EIF4EBP2: variants seen among roughly 807,000 people sequenced by gnomAD.
EIF4EBP2 encodes the protein eukaryotic translation initiation factor 4E-binding protein 2.
Under a neutral mutation model 10.3 loss-of-function variants are expected in EIF4EBP2, and 5 were observed. The ratio of observed to expected loss-of-function variants is 0.48; its 90% CI spans 0.25 to 1.02. EIF4EBP2 has a LOEUF of 1.02. Among genes scored for constraint, EIF4EBP2 ranks in the 50% least tolerant of loss-of-function variants. The probability of loss-of-function intolerance (pLI) is 0.15; values close to 1 mark genes in which losing one functional copy is unlikely to be tolerated. For synonymous variants in EIF4EBP2, 67 were observed against 61.1 expected (o/e 1.10, Z -0.45); for missense variants, 188 against 162.2 (o/e 1.16, Z -0.86).
At chr10:70,418,741 T>C (rs1355783429) in intron 1 of EIF4EBP2, among the ~76,000 whole-genome samples, 1 of 152,222 alleles carries the variant, frequency 6.6e-6, no homozygotes, top group East Asian at 1.9e-4. Context: ...GATGCCTTTT[T>C]GAGTGCTACT....
At chr10:70,407,925 A>T (rs866632015) in intron 1 of EIF4EBP2, among the ~76,000 whole-genome samples, 8 of 83,220 alleles carry the variant, frequency 9.6e-5, no homozygotes, top group African/African-American at 3.5e-4. Flanking sequence ...TCCCAGTAGG[A>T]GCGGCCGGGC....
chr10:70,420,005 A>C lies in EIF4EBP2; in HGVS notation c.237A>C (p.Pro79=), dbSNP rs776812419. 6 of 1,613,386 alleles carry C rather than the reference A, an allele frequency of 3.7e-6. No homozygotes were observed. The East Asian group carries it at 1.3e-4, about 36-fold the overall frequency. The change falls in exon 2 of 3, where the codon CCA becomes CCC. Residue 79 remains proline, a synonymous_variant. Coordinates refer to ENST00000373218, the MANE Select transcript of EIF4EBP2 (RefSeq NM_004096.5). ...QTPPCHLPNI[P]GVTSPGTLIE... ...CACCCTGCCACCTGCCCAATATCCC[A>C]GGAGTCACTAGCCCTGGCACCTTAA...
chr10:70,409,362 A>G (rs1845018463), intron 1 of EIF4EBP2, among the ~76,000 whole-genome samples: 1 of 152,054 alleles, frequency 6.6e-6, no homozygotes, highest in South Asian at 2.1e-4. Flanking sequence ...TCTTCCATTG[A>G]GAAGCTACCT....
rs139063439 is a variant in EIF4EBP2, at chr10:70,415,803, A to G, written c.146-4111A>G. ...ATTAATGTACAACCTTTAGAAGAAG[A>G]CAGAGGCAAATCTTTATGACCTTGG... is the stretch of plus-strand genomic sequence containing the variant. On this transcript the variant is annotated intron_variant, in intron 1 of 2. Transcript: ENST00000373218. Among the ~76,000 whole-genome samples the G allele has an allele frequency of 3.9e-5, 6 of 152,286 alleles. No individual in the cohort carries two copies. The South Asian group carries it at 6.2e-4, about 16-fold the overall frequency.
At chr10:70,421,028 C>A (rs1374969415) in intron 2 of EIF4EBP2, among the ~76,000 whole-genome samples, 1 of 152,190 alleles carries the variant, frequency 6.6e-6, no homozygotes, top group Middle Eastern at 3.4e-3. Flanking sequence ...ATCTCCTGAC[C>A]TCGTGATCCG....
intron 1 of EIF4EBP2, among the ~76,000 whole-genome samples, chr10:70,413,091 TG>T (rs1845061120): frequency 6.6e-6 from 1 of 152,244 alleles, no homozygotes; most frequent in African/African-American, 2.4e-5. Flanking sequence ...CTCCCCATTA[TG>T]AAAGATGAGG....
intron 1 of EIF4EBP2, among the ~76,000 whole-genome samples, chr10:70,413,070 A>G (rs1443034961): frequency 6.6e-6 from 1 of 152,204 alleles, no homozygotes; most frequent in African/African-American, 2.4e-5. Flanking sequence ...AACATTAGAC[A>G]ATACTGTTAA....
chr10:70,420,137 T>G (rs1177953536), intron 2 of EIF4EBP2, 38 bp downstream of exon 2: 2 of 1,531,076 alleles, frequency 1.3e-6, no homozygotes, highest in Non-Finnish European at 1.8e-6. Flanking sequence ...AGAGCGTGGC[T>G]CTTGGAATTT....
At position 70,422,396 on chromosome 10, in the gene EIF4EBP2, C is replaced by T. The variant is rs117563909; in HGVS notation, c.*649C>T. The T allele has an allele frequency of 6.3e-3, 963 of 152,400 alleles. 7 individuals are homozygous for T. The highest frequency in any genetic ancestry group is 0.028 in the South Asian group (133 of 4,830). 9.4% of individuals were successfully genotyped at this position (152,400 alleles called of 1,614,324 possible). On this transcript the variant is annotated 3_prime_UTR_variant, in exon 3 of 3. Coordinates refer to ENST00000373218, the MANE Select transcript of EIF4EBP2 (RefSeq NM_004096.5). The stretch of plus-strand genomic sequence containing the variant: ...TTTTGAGGTCCACTTCCTTTCTTTC[C>T]TCTGGGAGGAATGTCTTCTGTCTTT...
intron 1 of EIF4EBP2, among the ~76,000 whole-genome samples, chr10:70,410,249 T>C (rs1321544626): frequency 6.6e-6 from 1 of 152,162 alleles, no homozygotes; most frequent in African/African-American, 2.4e-5. Flanking sequence ...TTTGTATTTT[T>C]AGTAGAGATG....
chr10:70,420,951 C>T (rs1464674817), intron 2 of EIF4EBP2, among the ~76,000 whole-genome samples: 7 of 152,186 alleles, frequency 4.6e-5, no homozygotes, highest in African/African-American at 1.7e-4. Flanking sequence ...CCTGCCACCA[C>T]GCCCGGCTAA....
chr10:70,410,284 G>A (rs866626767), intron 1 of EIF4EBP2, among the ~76,000 whole-genome samples: 4 of 152,184 alleles, frequency 2.6e-5, no homozygotes, highest in African/African-American at 9.7e-5. Context: ...TGGCCAGGCT[G>A]GTCTCGAACT....
chr10:70,418,082 G>A (rs1353037485), intron 1 of EIF4EBP2, among the ~76,000 whole-genome samples: 1 of 152,184 alleles, frequency 6.6e-6, no homozygotes, highest in Non-Finnish European at 1.5e-5. Context: ...AGTATTAGGA[G>A]GTGGTGCCTT....
chr10:70,407,607 C>T (rs1004359261), intron 1 of EIF4EBP2, among the ~76,000 whole-genome samples: 10 of 152,102 alleles, frequency 6.6e-5, no homozygotes, highest in African/African-American at 2.2e-4. Flanking sequence ...GTCATCATGG[C>T]CCGTTCTCAA....
intron 2 of EIF4EBP2, among the ~76,000 whole-genome samples, chr10:70,421,365 G>A (rs972967107): frequency 6.6e-6 from 1 of 152,286 alleles, no homozygotes; most frequent in Admixed American, 6.5e-5. Context: ...TGGACAAAGT[G>A]TTAGTTTGGA....
intron 1 of EIF4EBP2, among the ~76,000 whole-genome samples, chr10:70,419,711 G>C (rs1845134621): frequency 6.6e-6 from 1 of 152,100 alleles, no homozygotes; most frequent in African/African-American, 2.4e-5. Flanking sequence ...ATCAACAGGA[G>C]TGTCCCTGGC....
In EIF4EBP2 at chr10:70,417,842, T is replaced by C. The variant is rs1845113254; in HGVS notation, c.146-2072T>C. 3.9e-5 allele frequency among the ~76,000 whole-genome samples: 6 copies of C among 152,190 alleles called. No individual in the cohort carries two copies. In the South Asian group the frequency reaches 6.2e-4, roughly 16 times the overall value. ...ACAAAAGTGGGGTAACTCAAACAGA[T>C]AGGCAAAGTCCATTGTTAAAGCTCC... On this transcript the variant is annotated intron_variant, in intron 1 of 2. Transcript: ENST00000373218.
intron 1 of EIF4EBP2, among the ~76,000 whole-genome samples, chr10:70,417,493 A>G (rs1228897222): frequency 6.6e-6 from 1 of 152,224 alleles, no homozygotes; most frequent in Admixed American, 6.5e-5. Context: ...TTGTAAATGA[A>G]TGCTATTTCA....
At chr10:70,411,544 T>G (rs1414303261) in intron 1 of EIF4EBP2, among the ~76,000 whole-genome samples, 3 of 152,196 alleles carry the variant, frequency 2.0e-5, no homozygotes, top group Admixed American at 2.0e-4. Flanking sequence ...TTAAACTCAT[T>G]TAGCTAATGT....
Sources: gnomAD v4.1 joint callset for allele counts (sites outside exome capture counted in the v4.1 genomes callset) on GRCh38, gnomAD v4.1.1 for gene constraint, MANE v1.5 for transcripts, NCBI Gene and HGNC (gene_info 2026-07-23, HGNC 2026-07-21) for gene names.